Variants in HACL2 observed in about 807,000 individuals in gnomAD.
HACL2 encodes the protein 2-hydroxyacyl-CoA lyase 2, also known as 2-hydroxyacyl-CoA lyase 1 like.
chr19:15,116,078 G>A, the HACL2 span: 1 of 1,613,678 alleles, frequency 6.2e-7, no homozygotes, highest in Non-Finnish European at 8.5e-7. Context: ...GCCCCTAAGA[G>A]GACCAAGAGC....
At chr19:15,118,482 C>A in the HACL2 span, among the ~76,000 whole-genome samples, 1 of 152,100 alleles carries the variant, frequency 6.6e-6, no homozygotes, top group African/African-American at 2.4e-5. Context: ...GAAACCGGAG[C>A]CACACATAGA....
chr19:15,122,882 C>T, the HACL2 span: 4 of 1,611,716 alleles, frequency 2.5e-6, no homozygotes, highest in East Asian at 2.2e-5. The surrounding 1 kb of genome is among the most constrained non-coding windows in gnomAD (Gnocchi z 4.0). Context: ...CATCACCATC[C>T]TCCACCTACC....
At chr19:15,123,716 A>G in the HACL2 span, 2 of 663,534 alleles carry the variant, frequency 3.0e-6, no homozygotes, top group South Asian at 1.9e-5. This position sits in a 1 kb window ranked among gnomAD's most constrained non-coding sequence, Gnocchi z 5.1. Context: ...GGTTAGGCAT[A>G]TATTATACTA....
chr19:15,123,954 G>T, the HACL2 span: 1 of 227,676 alleles, frequency 4.4e-6, no homozygotes, highest in Non-Finnish European at 8.7e-6. This position sits in a 1 kb window ranked among gnomAD's most constrained non-coding sequence, Gnocchi z 5.1. Flanking sequence ...CACAACGCAC[G>T]CAGAGCAGAT....
chr19:15,124,751 T>TCC, the HACL2 span: 1 of 898,892 alleles, frequency 1.1e-6, no homozygotes, highest in Non-Finnish European at 1.6e-6. Context: ...AGTCCAGGCC[T>TCC]CCATACACAG....
the HACL2 span, chr19:15,116,609 C>T: frequency 1.9e-6 from 2 of 1,044,850 alleles, no homozygotes; most frequent in African/African-American, 3.2e-5. Context: ...AGGAAGCCAG[C>T]AGCAGCATCC....
the HACL2 span, chr19:15,119,065 A>G: frequency 2.3e-6 from 3 of 1,325,860 alleles, no homozygotes; most frequent in East Asian, 7.2e-5. Context: ...TATCAAGTAC[A>G]ATAGGTGCCC....
chr19:15,117,704 A>G, the HACL2 span: 1 of 595,460 alleles, frequency 1.7e-6, no homozygotes, highest in African/African-American at 1.8e-5. Context: ...AAAAAAATTT[A>G]AAGAAAGAAG....
At chr19:15,116,484 G>T in the HACL2 span, 1 of 1,613,828 alleles carries the variant, frequency 6.2e-7, no homozygotes, top group Non-Finnish European at 8.5e-7. Flanking sequence ...TGGCCCTGAA[G>T]GCCCTCCACT....
the HACL2 span, chr19:15,118,022 T>TG: frequency 1.1e-4 from 172 of 1,613,878 alleles, no homozygotes; most frequent in Non-Finnish European, 1.4e-4. Context: ...GTTCCTGGTG[T>TG]GGGGGACAGG....
chr19:15,122,903 G>C, the HACL2 span: 1 of 1,610,128 alleles, frequency 6.2e-7, no homozygotes, highest in Non-Finnish European at 8.5e-7. This position sits in a 1 kb window ranked among gnomAD's most constrained non-coding sequence, Gnocchi z 4.0. Context: ...TGGGGTGCCC[G>C]ACTGGGCGGC....
the HACL2 span, chr19:15,115,341 C>A: frequency 1.2e-6 from 2 of 1,614,110 alleles, no homozygotes; most frequent in African/African-American, 2.7e-5. Flanking sequence ...TGCTGCTGGG[C>A]ATCGTGCAGC....
the HACL2 span, chr19:15,124,847 G>T: frequency 6.6e-7 from 1 of 1,525,394 alleles, no homozygotes; most frequent in Non-Finnish European, 8.8e-7. Context: ...CCTGCACAAT[G>T]AGTGAGCTGG....
the HACL2 span, chr19:15,123,175 C>T: frequency 6.2e-7 from 1 of 1,614,068 alleles, no homozygotes; most frequent in East Asian, 2.2e-5. This position sits in a 1 kb window ranked among gnomAD's most constrained non-coding sequence, Gnocchi z 5.1. Flanking sequence ...GCCATCTGAG[C>T]ATTCTTCACC....
the HACL2 span, chr19:15,125,117 C>T: frequency 3.4e-6 from 5 of 1,462,216 alleles, no homozygotes; most frequent in Non-Finnish European, 4.5e-6. Context: ...CAGGGAACCT[C>T]TCCGGAAGAA....
chr19:15,122,612 C>T, the HACL2 span: 1 of 1,189,054 alleles, frequency 8.4e-7, no homozygotes, highest in Non-Finnish European at 1.2e-6. The surrounding 1 kb of genome is among the most constrained non-coding windows in gnomAD (Gnocchi z 4.0). Flanking sequence ...ACATGTGAAT[C>T]AAAGGAGGAT....
At chr19:15,120,302 G>GC in the HACL2 span, among the ~76,000 whole-genome samples, 4 of 152,088 alleles carry the variant, frequency 2.6e-5, no homozygotes, top group Admixed American at 6.6e-5. Context: ...ACTCCACGTA[G>GC]CCCCCCAGAA....
chr19:15,119,603 TG>T, the HACL2 span: 12 of 1,124,654 alleles, frequency 1.1e-5, no homozygotes, highest in African/African-American at 1.6e-5. Context: ...CAGGATAGAG[TG>T]TAATGGCATG....
chr19:15,116,426 T>C, the HACL2 span: 6 of 1,613,868 alleles, frequency 3.7e-6, no homozygotes, highest in Non-Finnish European at 5.1e-6. Context: ...CTGCTCCTTC[T>C]GCCGGTCGGC....
Sources: gnomAD v4.1 joint callset for allele counts (sites outside exome capture counted in the v4.1 genomes callset) on GRCh38, gnomAD v4.1.1 for gene constraint, Gnocchi (gnomAD v3.1) non-coding constraint, MANE v1.5 for transcripts, NCBI Gene and HGNC (gene_info 2026-07-23, HGNC 2026-07-21) for gene names.